C7: variants seen among roughly 807,000 people sequenced by gnomAD.
C7 encodes complement C7.
C7 carries 83 observed loss-of-function variants against 104.8 expected under a neutral mutation model. The ratio of observed to expected loss-of-function variants is 0.79; its 90% confidence interval spans 0.66 to 0.95. The LOEUF is 0.95. Ranked by LOEUF, C7 falls within the 40% of genes least tolerant of loss-of-function variation. The probability of loss-of-function intolerance (pLI) is 0.00; values close to 1 mark genes in which losing one functional copy is unlikely to be tolerated. For missense variants in C7, 1,070 were observed against 1,011.2 expected, an observed-to-expected ratio of 1.06 and a Z score of -0.79; for synonymous variants, 415 against 360.6, an observed-to-expected ratio of 1.15 and a Z score of -1.71.
chr5:40,945,318 T>A lies in C7; in HGVS notation c.688T>A (p.Ser230Thr). 6.2e-7 allele frequency: 1 copy of A among 1,609,926 alleles called. No homozygotes were observed. The highest frequency in any genetic ancestry group is 8.5e-7 in the Non-Finnish European group (1 of 1,178,372). Residue 230 changes from serine to threonine, a missense_variant, in exon 7 of 18, where the codon TCT becomes ACT. By Grantham distance (58) the Ser-to-Thr change is moderately conservative. Coordinates refer to ENST00000313164, the MANE Select transcript of C7 (RefSeq NM_000587.4). The part of the protein sequence containing the change: ...RKRSFFRSSS[S>T]SSRSYTSHTN... ...GCGCTCCTTTTTTAGATCTTCATCATCTTCTTCACGCAGTTATACTTCACA... is the reference window on the plus strand; with the variant it reads ...GCGCTCCTTTTTTAGATCTTCATCAACTTCTTCACGCAGTTATACTTCACA...
At position 40,983,776 on chromosome 5, in the gene C7, A is replaced by G. The variant is rs957494367; in HGVS notation, c.*2203A>G. On this transcript the variant is annotated 3_prime_UTR_variant, in exon 18 of 18. Transcript: ENST00000313164. ...TGAGGAAAGTTAAGGGAATGATTTT[A>G]TACCACAAAAATAAATGGAAAAAGA... 2.0e-5 allele frequency among the ~76,000 whole-genome samples: 3 copies of G among 152,236 alleles called. No homozygotes were observed. The highest frequency in any genetic ancestry group is 7.2e-5 in the African/African-American group (3 of 41,458).
rs1358008731 is a variant in C7 at position 40,937,567 on chromosome 5, T to A, written c.444T>A (p.Thr148=). ...ELTGNGYNEL[T]GQFRNRVINT... is the part of the protein sequence containing the mutation. ...CTTTTAACAGTTACAATGAACTCACTGGCCAGTTTAGGAACAGAGTCATCA... is the reference window on the plus strand; with the variant it reads ...CTTTTAACAGTTACAATGAACTCACAGGCCAGTTTAGGAACAGAGTCATCA... Residue 148 remains threonine, a synonymous_variant, in exon 6 of 18, where the codon ACT becomes ACA. Transcript: ENST00000313164. 6.2e-7 allele frequency: 1 copy of A among 1,609,788 alleles called. No individual in the cohort carries two copies. Among genetic ancestry groups the A allele is most frequent in the Non-Finnish European group, 8.5e-7 (1 of 1,178,184 alleles).
chr5:40,972,443 G>T lies in C7; in HGVS notation c.1923G>T (p.Gln641His), dbSNP rs1317155644. Residue 641 changes from glutamine to histidine, a missense_variant, in exon 15 of 18, where the codon CAG (glutamine) becomes CAT (histidine). By Grantham distance (24) the Gln-to-His change is conservative. Transcript: ENST00000313164. ...CVLPVLMDGI[Q>H]SHPQKPFYTV... ...TACCTGTACTGATGGATGGCATACA[G>T]AGTCACCCCCAAAAACCTTTCTACA... 5.6e-6 allele frequency: 9 copies of T among 1,613,690 alleles called. No individual in the cohort carries two copies. The highest frequency in any genetic ancestry group is 1.3e-5 in the African/African-American group (1 of 75,006).
chr5:40,957,880 A>G (rs958921380), intron 10 of C7, among the ~76,000 whole-genome samples, 153 bp from the exon 11 acceptor site: 4 of 151,686 alleles, frequency 2.6e-5, no homozygotes, highest in African/African-American at 9.7e-5. Flanking sequence ...AAGAGAGTGC[A>G]CTGTTTTCCT....
intron 6 of C7, among the ~76,000 whole-genome samples, chr5:40,938,373 T>C (rs562275868): frequency 6.6e-6 from 1 of 152,326 alleles, no homozygotes; most frequent in East Asian, 1.9e-4. Context: ...ATATCTATTC[T>C]TCTGTTACTT....
At chr5:40,918,301 A>T (rs1478323575) in intron 1 of C7, among the ~76,000 whole-genome samples, 2 of 152,028 alleles carry the variant, frequency 1.3e-5, no homozygotes, top group Non-Finnish European at 1.5e-5. Flanking sequence ...TCGAGGGTGC[A>T]GTGAGCTGTG....
At position 40,946,328 on chromosome 5, in the gene C7, C is replaced by T. The variant is rs910836753; in HGVS notation, c.738+960C>T. ...GTTATGGCTGAATAATTTTTTTAGG[C>T]TAATTATTATTCACAATCTGCACAT... On this transcript the variant is annotated intron_variant, in intron 7 of 17. Coordinates refer to ENST00000313164, the MANE Select transcript of C7 (RefSeq NM_000587.4). Among the ~76,000 whole-genome samples, 12 of 152,154 alleles carry T rather than the reference C, an allele frequency of 7.9e-5. No homozygotes were observed. In the East Asian group the frequency reaches 9.7e-4, roughly 12 times the overall value.
chr5:40,940,676 A>T (rs1739916637), intron 6 of C7, among the ~76,000 whole-genome samples: 1 of 152,236 alleles, frequency 6.6e-6, no homozygotes, highest in Admixed American at 6.5e-5. Flanking sequence ...AATAATTTAA[A>T]TGATGGTTAA....
chr5:40,915,512 G>T (rs1297013394), intron 1 of C7, among the ~76,000 whole-genome samples: 2 of 152,162 alleles, frequency 1.3e-5, no homozygotes, highest in Non-Finnish European at 2.9e-5. Context: ...CTGTGAGATA[G>T]GCTTTCCCAG....
Position 40,943,685 on chromosome 5 carries a change from ATG to A in C7, c.568-1501_568-1500del, listed in dbSNP as rs571504105. 3.6e-3 allele frequency among the ~76,000 whole-genome samples: 544 copies of A among 149,438 alleles called. 3 individuals are homozygous for A. Among genetic ancestry groups the A allele is most frequent in the African/African-American group, 0.01 (409 of 39,284 alleles). ...TATGTGTATATGTGTATATACATAT[ATG>A]TGTGTGTGTGTATATATATATACAC... On this transcript the variant is annotated intron_variant, in intron 6 of 17. Transcript: ENST00000313164.
chr5:40,965,648 A>ATATATATATTTTT (rs35802990), intron 14 of C7, among the ~76,000 whole-genome samples: 6 of 130,308 alleles, frequency 4.6e-5, no homozygotes, highest in East Asian at 2.1e-4. Flanking sequence ...ATATATATAT[A>ATATATATATTTTT]TTTTTTTTTT....
intron 15 of C7, among the ~76,000 whole-genome samples, chr5:40,973,869 T>G (rs1740752508): frequency 6.6e-6 from 1 of 152,216 alleles, no homozygotes; most frequent in Admixed American, 6.5e-5. Context: ...ATTTACCCAG[T>G]AGAAAATTCT....
intron 1 of C7, among the ~76,000 whole-genome samples, chr5:40,913,659 AAT>A (rs111766738): frequency 6.6e-6 from 1 of 151,454 alleles, no homozygotes; most frequent in Admixed American, 6.6e-5. Flanking sequence ...ACCATGTGCA[AAT>A]ATATATATAT....
chr5:40,914,730 T>C (rs1739283818), intron 1 of C7, among the ~76,000 whole-genome samples: 1 of 152,174 alleles, frequency 6.6e-6, no homozygotes, highest in African/African-American at 2.4e-5. Flanking sequence ...CCAAATCTGT[T>C]TGGTAACCCT....
intron 16 of C7, among the ~76,000 whole-genome samples, chr5:40,978,038 G>T (rs1266628575): frequency 6.6e-6 from 1 of 151,826 alleles, no homozygotes; most frequent in South Asian, 2.1e-4. Context: ...GGAGACTGAG[G>T]TGGGAGGATT....
chr5:40,971,334 C>G (rs1227234815), intron 14 of C7, among the ~76,000 whole-genome samples: 2 of 152,148 alleles, frequency 1.3e-5, no homozygotes, highest in Non-Finnish European at 2.9e-5. Context: ...CTCTGGTGAC[C>G]AGTGATGATG....
At chr5:40,962,600 A>G (rs1740447121) in intron 13 of C7, among the ~76,000 whole-genome samples, 1 of 152,186 alleles carries the variant, frequency 6.6e-6, no homozygotes, top group Admixed American at 6.5e-5. Flanking sequence ...TCAATAAGAC[A>G]GTTAGCTAGA....
intron 6 of C7, among the ~76,000 whole-genome samples, chr5:40,944,273 C>G (rs1051357662): frequency 1.3e-5 from 2 of 152,182 alleles, no homozygotes; most frequent in Admixed American, 6.5e-5. Flanking sequence ...TTGTTTCATT[C>G]CCACAGGGAC....
intron 7 of C7, among the ~76,000 whole-genome samples, chr5:40,946,637 T>C (rs1196191535): frequency 6.6e-6 from 1 of 152,144 alleles, no homozygotes; most frequent in Non-Finnish European, 1.5e-5. Flanking sequence ...AAATCATACC[T>C]ACAAGTCATT....
Sources: gnomAD v4.1 joint callset for allele counts (sites outside exome capture counted in the v4.1 genomes callset) on GRCh38, gnomAD v4.1.1 for gene constraint, MANE v1.5 for transcripts, NCBI Gene and HGNC (gene_info 2026-07-23, HGNC 2026-07-21) for gene names.